PRKAG2: variants seen among roughly 807,000 people sequenced by gnomAD.
PRKAG2 encodes the protein 5'-AMP-activated protein kinase subunit gamma-2.
In PRKAG2, 26 loss-of-function variants were observed where a neutral mutation model predicts 69.6. The observed-to-expected ratio is 0.37, with a 90% CI of 0.27 to 0.52. PRKAG2 has a LOEUF of 0.52. Among genes scored for constraint, PRKAG2 ranks in the 20% least tolerant of loss-of-function variants. The pLI is 0.90. For synonymous variants in PRKAG2, 293 were observed against 285.0 expected (o/e 1.03, Z -0.28); for missense variants, 557 against 740.0 (o/e 0.75, Z 2.87).
intron 5 of PRKAG2, among the ~76,000 whole-genome samples, chr7:151,617,539 T>A (rs943495826): frequency 1.3e-5 from 2 of 152,170 alleles, no homozygotes; most frequent in African/African-American, 2.4e-5. Context: ...ACAAAAAATA[T>A]CATCATCTTA....
intron 3 of PRKAG2, among the ~76,000 whole-genome samples, chr7:151,677,000 A>G (rs2151481892): frequency 6.6e-6 from 1 of 152,340 alleles, no homozygotes; most frequent in Non-Finnish European, 1.5e-5. Context: ...CAGGTTTCAG[A>G]GAGAGCGTGG....
At chr7:151,679,807 G>A (rs998832288) in intron 3 of PRKAG2, among the ~76,000 whole-genome samples, 2 of 152,038 alleles carry the variant, frequency 1.3e-5, no homozygotes, top group Non-Finnish European at 2.9e-5. Context: ...GCTCATGCCT[G>A]TAGCCCCGGC....
chr7:151,652,756 G>C (rs1828746011), intron 4 of PRKAG2, among the ~76,000 whole-genome samples: 1 of 152,090 alleles, frequency 6.6e-6, no homozygotes, highest in African/African-American at 2.4e-5. Flanking sequence ...CTCATGAGTG[G>C]CTGGGACTAC....
intron 4 of PRKAG2, among the ~76,000 whole-genome samples, chr7:151,651,882 G>A (rs140460817): frequency 9.7e-4 from 147 of 152,306 alleles, no homozygotes; most frequent in African/African-American, 3.4e-3. Flanking sequence ...GTAGAATGGA[G>A]GTTCCAGAGA....
intron 2 of PRKAG2, among the ~76,000 whole-genome samples, chr7:151,783,418 G>A (rs2076832386): frequency 6.6e-6 from 1 of 152,126 alleles, no homozygotes; most frequent in South Asian, 2.1e-4. Flanking sequence ...TCAGCTCATT[G>A]CAACCTCCAC....
At chr7:151,758,429 CT>C (rs2075230250) in intron 3 of PRKAG2, among the ~76,000 whole-genome samples, 2 of 152,254 alleles carry the variant, frequency 1.3e-5, no homozygotes, top group South Asian at 4.1e-4. Flanking sequence ...TCAACTACCC[CT>C]GAACTATGTC....
rs758280381 is a variant in PRKAG2 at position 151,875,484 on chromosome 7, G to C, written c.114+1023C>G. On this transcript the variant is annotated intron_variant, in intron 1 of 15. Transcript: ENST00000287878. ...TGTCGGGAAGGATTAGCTTTAATGAGGGGTCCGGACAGCCCATTCACTGCG... is the reference window on the plus strand; with the variant it reads ...TGTCGGGAAGGATTAGCTTTAATGACGGGTCCGGACAGCCCATTCACTGCG... Among the ~76,000 whole-genome samples, 119 of 152,320 alleles carry C rather than the reference G, an allele frequency of 7.8e-4. 1 individual carries two copies. The highest frequency in any genetic ancestry group is 8.7e-4 in the Non-Finnish European group (59 of 68,014).
intron 3 of PRKAG2, among the ~76,000 whole-genome samples, chr7:151,684,282 G>A (rs1834335806): frequency 6.6e-6 from 1 of 152,140 alleles, no homozygotes; most frequent in African/African-American, 2.4e-5. Context: ...AACCCCAGCT[G>A]AATGTCCTTG....
chr7:151,781,698 A>G lies in PRKAG2; in HGVS notation c.187-267T>C, dbSNP rs2076679956. Among the ~76,000 whole-genome samples, 1 of 152,182 alleles carries G rather than the reference A, an allele frequency of 6.6e-6. No individual in the cohort carries two copies. On this transcript the variant is annotated intron_variant, in intron 2 of 15. Coordinates refer to ENST00000287878, the MANE Select transcript of PRKAG2 (RefSeq NM_016203.4). This position sits in a 1 kb window ranked among gnomAD's most constrained non-coding sequence, Gnocchi z 6.1. ...GTCCCACTCCTTAGAAGGGGCTTCC[A>G]GGAGGTAGAGGGGAGGAAGGGAAGC... is the stretch of plus-strand genomic sequence containing the variant.
At chr7:151,689,023 GT>G (rs373230637) in intron 3 of PRKAG2, among the ~76,000 whole-genome samples, 1 of 152,340 alleles carries the variant, frequency 6.6e-6, no homozygotes, top group Non-Finnish European at 1.5e-5. Context: ...AGGAGAAAAT[GT>G]GGCTGAAAAT....
chr7:151,715,762 C>T (rs1159273382), intron 3 of PRKAG2, among the ~76,000 whole-genome samples: 1 of 151,960 alleles, frequency 6.6e-6, no homozygotes, highest in Non-Finnish European at 1.5e-5. Flanking sequence ...AAGATCATGC[C>T]AGGGAGGCAG....
chr7:151,607,749 G>C (rs79456594), intron 5 of PRKAG2, among the ~76,000 whole-genome samples: 1 of 152,230 alleles, frequency 6.6e-6, no homozygotes, highest in South Asian at 2.1e-4. Context: ...TTTTGAGAAT[G>C]CGTTCCTCAT....
chr7:151,620,821 A>G (rs1344216395), intron 5 of PRKAG2, among the ~76,000 whole-genome samples: 1 of 151,644 alleles, frequency 6.6e-6, no homozygotes, highest in African/African-American at 2.4e-5. Context: ...TAAAAAAATT[A>G]AAGATGGGGT....
In PRKAG2 at chr7:151,574,331, G is replaced by T. The variant is rs139040172; in HGVS notation, c.1005+560C>A. On this transcript the variant is annotated intron_variant, in intron 8 of 15. Coordinates refer to ENST00000287878, the MANE Select transcript of PRKAG2 (RefSeq NM_016203.4). Reference sequence around the variant, plus strand: ...ACAAAGTTAGATGAAGGACAAAAGTGGTTTTTAAGCTACGCTCTTTCCAGA... The same window carrying T: ...ACAAAGTTAGATGAAGGACAAAAGTTGTTTTTAAGCTACGCTCTTTCCAGA... 1.6e-3 allele frequency among the ~76,000 whole-genome samples: 245 copies of T among 152,274 alleles called. 3 individuals are homozygous for T. Among genetic ancestry groups the T allele is most frequent in the Middle Eastern group, 6.8e-3 (2 of 294 alleles).
At chr7:151,796,165 G>A (rs2077525647) in intron 1 of PRKAG2, among the ~76,000 whole-genome samples, 1 of 151,962 alleles carries the variant, frequency 6.6e-6, no homozygotes, top group South Asian at 2.1e-4. Context: ...ACAGACATGG[G>A]GAGAGTCCAG....
At position 151,646,410 on chromosome 7, in the gene PRKAG2, T is replaced by G. The variant is rs1361629461; in HGVS notation, c.685-14272A>C. On this transcript the variant is annotated intron_variant, in intron 4 of 15. Coordinates refer to ENST00000287878, the MANE Select transcript of PRKAG2 (RefSeq NM_016203.4). ...TCTTACATATCTTTTGTTAAATTTA[T>G]TCCTAAGTATTTATTTTTTGATGCT... Among the ~76,000 whole-genome samples the G allele has an allele frequency of 1.3e-5, 2 of 152,228 alleles. 1 individual carries two copies. The highest frequency in any genetic ancestry group is 4.8e-5 in the African/African-American group (2 of 41,466).
chr7:151,874,212 T>C (rs996493525), intron 1 of PRKAG2, among the ~76,000 whole-genome samples: 1 of 133,998 alleles, frequency 7.5e-6, no homozygotes, highest in African/African-American at 3.0e-5. Flanking sequence ...TATATGTATA[T>C]GTATATGATG....
chr7:151,680,629 T>C (rs1172144169), intron 3 of PRKAG2, among the ~76,000 whole-genome samples: 5 of 152,250 alleles, frequency 3.3e-5, no homozygotes, highest in Non-Finnish European at 7.3e-5. Flanking sequence ...TCAAACTTTC[T>C]ATCATGAGAA....
At chr7:151,861,864 G>A (rs1176376451) in intron 1 of PRKAG2, among the ~76,000 whole-genome samples, 1 of 151,892 alleles carries the variant, frequency 6.6e-6, no homozygotes, top group Non-Finnish European at 1.5e-5. Context: ...TTGCGACCTT[G>A]GCCTCTGGCA....
Sources: gnomAD v4.1 joint callset for allele counts (sites outside exome capture counted in the v4.1 genomes callset) on GRCh38, gnomAD v4.1.1 for gene constraint, Gnocchi (gnomAD v3.1) non-coding constraint, MANE v1.5 for transcripts, NCBI Gene and HGNC (gene_info 2026-07-23, HGNC 2026-07-21) for gene names.